IL1RAPL1: variants seen among roughly 807,000 people sequenced by gnomAD.
IL1RAPL1 encodes interleukin-1 receptor accessory protein-like 1.
A neutral mutation model predicts 48.4 loss-of-function variants in IL1RAPL1; 3 were observed. That is an observed-to-expected ratio of 0.06 (90% CI 0.03 to 0.16). The LOEUF (loss-of-function observed/expected upper bound fraction) is 0.16, where lower values mean the gene tolerates loss of function less well. Among genes scored for constraint, IL1RAPL1 ranks in the 10% least tolerant of loss-of-function variants. The pLI is 1.00. For synonymous variants in IL1RAPL1, 185 were observed against 187.7 expected (o/e 0.99, Z 0.12); for missense variants, 349 against 530.6 (o/e 0.66, Z 3.36).
At chrX:29,245,201 G>C (rs1285362392) in intron 2 of IL1RAPL1, among the ~76,000 whole-genome samples, 1 of 111,707 alleles carries the variant, frequency 9.0e-6, no homozygotes, top group African/African-American at 3.3e-5. Flanking sequence ...CTGGTTCCAA[G>C]TCTTTGCTAT....
intron 5 of IL1RAPL1, among the ~76,000 whole-genome samples, chrX:29,416,447 A>T (rs1934217610): frequency 9.0e-6 from 1 of 110,733 alleles, no homozygotes; most frequent in African/African-American, 3.3e-5. Context: ...GAGGCATGAG[A>T]ATCACTTGAA....
At chrX:29,954,105 G>A (rs956735502) in intron 9 of IL1RAPL1, among the ~76,000 whole-genome samples, 3 of 108,272 alleles carry the variant, frequency 2.8e-5, no homozygotes, top group African/African-American at 1.0e-4. Context: ...GTGTGGTGAC[G>A]TGCACCTATA....
At chrX:29,622,264 A>C (rs905704566) in intron 5 of IL1RAPL1, among the ~76,000 whole-genome samples, 1 of 112,117 alleles carries the variant, frequency 8.9e-6, no homozygotes, top group Non-Finnish European at 1.9e-5. Flanking sequence ...CATTGACATC[A>C]CAATTGTGGA....
intron 6 of IL1RAPL1, among the ~76,000 whole-genome samples, chrX:29,761,081 A>G (rs1485809277): frequency 8.9e-6 from 1 of 112,211 alleles, no homozygotes. Context: ...AAGCTGTTTT[A>G]TGTACATTGC....
intron 3 of IL1RAPL1, among the ~76,000 whole-genome samples, chrX:29,309,950 C>G (rs1373181845): frequency 9.4e-6 from 1 of 106,930 alleles, no homozygotes; most frequent in Non-Finnish European, 1.9e-5. Context: ...AAAAATTAGC[C>G]GAGCATGGTG....
intron 8 of IL1RAPL1, among the ~76,000 whole-genome samples, chrX:29,933,934 G>C (rs1398190558): frequency 9.1e-6 from 1 of 110,345 alleles, no homozygotes; most frequent in African/African-American, 3.3e-5. Flanking sequence ...AAATCTAGGG[G>C]AAATACTCTC....
chrX:28,747,410 C>T (rs1412569548), intron 1 of IL1RAPL1, among the ~76,000 whole-genome samples: 2 of 110,815 alleles, frequency 1.8e-5, no homozygotes, highest in South Asian at 3.9e-4. Context: ...CTGAGGCGGG[C>T]GGATCACTTC....
At chrX:29,049,075 C>A (rs1927036620) in intron 2 of IL1RAPL1, among the ~76,000 whole-genome samples, 3 of 112,297 alleles carry the variant, frequency 2.7e-5, no homozygotes, top group South Asian at 7.3e-4. Context: ...ACATGCTTTT[C>A]TAGCAATCTG....
chrX:28,910,991 C>T (rs1369183520), intron 2 of IL1RAPL1, among the ~76,000 whole-genome samples: 3 of 110,590 alleles, frequency 2.7e-5, no homozygotes, highest in Non-Finnish European at 3.8e-5. Flanking sequence ...CAATAATTTC[C>T]TAAAAGCAGT....
intron 1 of IL1RAPL1, among the ~76,000 whole-genome samples, chrX:28,781,979 A>AT (rs751313978): frequency 9.0e-6 from 1 of 111,510 alleles, no homozygotes; most frequent in African/African-American, 3.2e-5. Context: ...CAATCATGGC[A>AT]TTTTTGTGTG....
chrX:28,830,473 C>T (rs892127064), intron 2 of IL1RAPL1, among the ~76,000 whole-genome samples: 2 of 111,764 alleles, frequency 1.8e-5, no homozygotes, highest in African/African-American at 3.3e-5. Context: ...CTTTACAACT[C>T]CAGAATTTAA....
Position 29,457,409 on chromosome X carries a change from A to C in IL1RAPL1, c.703+58101A>C, listed in dbSNP as rs1268574141. 3.6e-5 allele frequency among the ~76,000 whole-genome samples: 4 copies of C among 111,047 alleles called. No homozygotes were observed. The Admixed American group carries it at 3.8e-4, about 11-fold the overall frequency. ...TTATGTTCATGTGTGCTCAAAGTTT[A>C]GCTCCCATTTATACGTGAGAACATG... On this transcript the variant is annotated intron_variant, in intron 5 of 10. Transcript: ENST00000378993.
In IL1RAPL1 at chrX:28,635,571, G is replaced by A. The variant is rs765334687; in HGVS notation, c.-25+47524G>A. ...TTGTGTCAGATTATTTTGCCCAACT[G>A]TAGGCTAATGTGTTCTAAGCATGTT... On this transcript the variant is annotated intron_variant, in intron 1 of 10. Coordinates refer to ENST00000378993, the MANE Select transcript of IL1RAPL1 (RefSeq NM_014271.4). Among the ~76,000 whole-genome samples the A allele has an allele frequency of 2.7e-5, 3 of 111,767 alleles. No homozygotes were observed. In the South Asian group the frequency reaches 1.1e-3, roughly 42 times the overall value.
At chrX:29,132,528 G>C (rs1308710178) in intron 2 of IL1RAPL1, among the ~76,000 whole-genome samples, 4 of 112,043 alleles carry the variant, frequency 3.6e-5, no homozygotes, top group Non-Finnish European at 1.9e-5. Context: ...GTGTGTAGTA[G>C]GCTCTACCAT....
At chrX:29,035,142 A>G (rs1365373419) in intron 2 of IL1RAPL1, among the ~76,000 whole-genome samples, 1 of 111,320 alleles carries the variant, frequency 9.0e-6, no homozygotes, top group Non-Finnish European at 1.9e-5. Context: ...TTTTAGTAGG[A>G]CGGGGTTTCA....
chrX:28,631,508 T>C (rs747550811), intron 1 of IL1RAPL1, among the ~76,000 whole-genome samples: 5 of 112,157 alleles, frequency 4.5e-5, no homozygotes, highest in Non-Finnish European at 7.5e-5. Flanking sequence ...CACAACACAA[T>C]CCAAAATAGT....
intron 6 of IL1RAPL1, among the ~76,000 whole-genome samples, chrX:29,672,838 T>C (rs1471765804): frequency 2.7e-5 from 3 of 112,075 alleles, no homozygotes; most frequent in Non-Finnish European, 3.8e-5. Context: ...TTTATTCTCA[T>C]TGTTAAGCTT....
intron 6 of IL1RAPL1, among the ~76,000 whole-genome samples, chrX:29,766,706 T>TATAAATATAATATATA (rs1298548439): frequency 0.11 from 11,449 of 99,582 alleles, 719 homozygotes; most frequent in Middle Eastern, 0.25. Flanking sequence ...ATATATAATA[T>TATAAATATAATATATA]ATAATATATG....
intron 2 of IL1RAPL1, among the ~76,000 whole-genome samples, chrX:29,205,975 G>A (rs927746315): frequency 2.1e-4 from 23 of 109,191 alleles, no homozygotes; most frequent in Non-Finnish European, 1.3e-4. Context: ...TCCTGACCTC[G>A]TGATCTACCC....
Sources: gnomAD v4.1 joint callset for allele counts (sites outside exome capture counted in the v4.1 genomes callset) on GRCh38, gnomAD v4.1.1 for gene constraint, MANE v1.5 for transcripts, NCBI Gene and HGNC (gene_info 2026-07-23, HGNC 2026-07-21) for gene names.